PKHD1L1: variants seen among roughly 807,000 people sequenced by gnomAD.
PKHD1L1 encodes fibrocystin-L.
PKHD1L1 carries 434 observed loss-of-function variants against 462.9 expected under a neutral mutation model. The observed-to-expected ratio is 0.94, with a 90% CI of 0.87 to 1.02. The LOEUF is 1.02. Ranked by LOEUF, PKHD1L1 falls within the 50% of genes least tolerant of loss-of-function variation. The pLI, the probability that PKHD1L1 is intolerant of heterozygous loss-of-function variation, is 0.00. For synonymous variants in PKHD1L1, 1,781 were observed against 1,750.0 expected (o/e 1.02, Z -0.44); for missense variants, 5,202 against 5,096.1 (o/e 1.02, Z -0.63).
chr8:109,497,118 T>C, intron 64 of PKHD1L1, 32 bp from the exon 65 acceptor site: 1 of 1,612,914 alleles, frequency 6.2e-7, no homozygotes, highest in Non-Finnish European at 8.5e-7. Flanking sequence ...TGATTGTCCT[T>C]AGTATTATGT....
At chr8:109,394,639 A>G (rs1812879749) in intron 10 of PKHD1L1, among the ~76,000 whole-genome samples, 154 bp downstream of exon 10, 1 of 152,188 alleles carries the variant, frequency 6.6e-6, no homozygotes, top group Non-Finnish European at 1.5e-5. Flanking sequence ...GTCTAACAGG[A>G]AGCTACAACA....
chr8:109,451,339 C>A (rs539021275), intron 41 of PKHD1L1, among the ~76,000 whole-genome samples, 190 bp downstream of exon 41: 8 of 152,170 alleles, frequency 5.3e-5, no homozygotes, highest in Non-Finnish European at 1.0e-4. Context: ...GTGGCAACTA[C>A]CTGCCTACCC....
chr8:109,484,749 G>A (rs963760695), intron 57 of PKHD1L1, among the ~76,000 whole-genome samples: 1 of 151,886 alleles, frequency 6.6e-6, no homozygotes, highest in African/African-American at 2.4e-5. Context: ...TAATAAAAAT[G>A]TGAATATGTT....
At chr8:109,438,494 T>C (rs1815570861) in intron 31 of PKHD1L1, 38 bp downstream of exon 31, 2 of 1,495,238 alleles carry the variant, frequency 1.3e-6, no homozygotes, top group South Asian at 1.3e-5. Flanking sequence ...ATTTGTCCTA[T>C]GTATAAAAAA....
chr8:109,482,963 T>A (rs2844254), intron 56 of PKHD1L1, 24 bp from the exon 57 acceptor site: 571,544 of 1,476,742 alleles, frequency 0.39, 113,545 homozygotes, highest in South Asian at 0.56. Flanking sequence ...GGTGAATAAG[T>A]AGGAGTGTGC....
At chr8:109,392,694 A>C (rs1563731933) in intron 9 of PKHD1L1, among the ~76,000 whole-genome samples, 1 of 152,104 alleles carries the variant, frequency 6.6e-6, no homozygotes, top group Non-Finnish European at 1.5e-5. Context: ...AAAATCTTAC[A>C]TTTTGAATCT....
chr8:109,478,502 G>A (rs1432957184), intron 53 of PKHD1L1, among the ~76,000 whole-genome samples: 1 of 152,048 alleles, frequency 6.6e-6, no homozygotes, highest in African/African-American at 2.4e-5. Context: ...TTTGGGTGGG[G>A]TGGTTAGGAA....
chr8:109,529,087 T>G (rs980034033), intron 77 of PKHD1L1, among the ~76,000 whole-genome samples: 1 of 152,180 alleles, frequency 6.6e-6, no homozygotes, highest in Non-Finnish European at 1.5e-5. Flanking sequence ...AAGCCAAGAC[T>G]AGATTTTAAA....
intron 73 of PKHD1L1, among the ~76,000 whole-genome samples, chr8:109,520,916 A>G (rs1820520554): frequency 6.6e-6 from 1 of 152,112 alleles, no homozygotes; most frequent in African/African-American, 2.4e-5. Context: ...CAGACCTGCC[A>G]CTCCATGCCA....
intron 76 of PKHD1L1, among the ~76,000 whole-genome samples, chr8:109,523,648 T>C (rs1765993052): frequency 6.6e-6 from 1 of 152,200 alleles, no homozygotes; most frequent in African/African-American, 2.4e-5. Context: ...CTAAATTTGC[T>C]CACTAAAGAT....
chr8:109,449,456 A>G lies in PKHD1L1; in HGVS notation c.6144A>G (p.Thr2048=), dbSNP rs747747279. ...CAIDRLRSDY[T]TLLCEIPSNN... ...TTGACAGGCTTAGATCTGATTACAC[A>G]ACACTATTATGTGAAATTCCATCTA... The change falls in exon 40 of 78, where the codon ACA becomes ACG. Residue 2048 remains threonine (T), a synonymous_variant. Coordinates refer to ENST00000378402, the MANE Select transcript of PKHD1L1 (RefSeq NM_177531.6). 3.8e-6 allele frequency: 6 copies of G among 1,599,920 alleles called. No homozygotes were observed. The highest frequency in any genetic ancestry group is 5.1e-6 in the Non-Finnish European group (6 of 1,172,604).
intron 46 of PKHD1L1, among the ~76,000 whole-genome samples, chr8:109,458,646 C>T (rs1311678209): frequency 6.6e-6 from 1 of 152,054 alleles, no homozygotes; most frequent in East Asian, 1.9e-4. Flanking sequence ...GAATCTATTT[C>T]ACATGTGACA....
In PKHD1L1 at chr8:109,362,644, C is replaced by T; in HGVS notation, c.64C>T (p.Pro22Ser). Residue 22 changes from proline to serine, a missense_variant, in exon 1 of 78, where the codon CCC becomes TCC. Pro to Ser is a moderately conservative substitution (Grantham distance 74). Coordinates refer to ENST00000378402, the MANE Select transcript of PKHD1L1 (RefSeq NM_177531.6). ...LCGLLLCAADPSTDGSQIIPK... is the reference protein window; with the variant it reads ...LCGLLLCAADSSTDGSQIIPK... Reference sequence around the variant, plus strand: ...TGGGCTGCTCCTGTGTGCCGCGGATCCCAGCACAGGTAACCCTTTGGGCAC... The same window carrying T: ...TGGGCTGCTCCTGTGTGCCGCGGATTCCAGCACAGGTAACCCTTTGGGCAC... The T allele has an allele frequency of 6.2e-7, 1 of 1,603,268 alleles. No homozygotes were observed. The highest frequency in any genetic ancestry group is 8.5e-7 in the Non-Finnish European group (1 of 1,174,948).
rs765680183 is a variant in PKHD1L1 at position 109,443,696 on chromosome 8, T to C, written c.4585T>C (p.Leu1529=). ...TAAAGGAGGACCTGAGAATTTGCAC[T>C]TGGGAAGCTCTGTGGCAGGCTGCCT... The part of the protein sequence containing the change: ...YAYGGPENLH[L]GSSVAGCLAT... Residue 1529 remains leucine (L), a synonymous_variant, in exon 37 of 78, where the codon TTG becomes CTG. Coordinates refer to ENST00000378402, the MANE Select transcript of PKHD1L1 (RefSeq NM_177531.6). 4.3e-6 allele frequency: 7 copies of C among 1,612,570 alleles called. No homozygotes were observed. The highest frequency in any genetic ancestry group is 5.1e-6 in the Non-Finnish European group (6 of 1,179,344).
intron 55 of PKHD1L1, 148 bp from the exon 56 acceptor site, chr8:109,481,285 A>C (rs1818258173): frequency 1.5e-6 from 1 of 666,868 alleles, no homozygotes; most frequent in African/African-American, 1.9e-5. Flanking sequence ...GTGAAATTAA[A>C]GTCACTTCCA....
intron 11 of PKHD1L1, among the ~76,000 whole-genome samples, 190 bp downstream of exon 11, chr8:109,396,327 C>G (rs1174664599): frequency 2.6e-5 from 4 of 152,150 alleles, no homozygotes; most frequent in Admixed American, 6.5e-5. Context: ...GGGTCACTCC[C>G]TGAAACCTCA....
chr8:109,445,687 G>T, intron 38 of PKHD1L1, 42 bp downstream of exon 38: 1 of 1,473,252 alleles, frequency 6.8e-7, no homozygotes, highest in Non-Finnish European at 9.3e-7. Flanking sequence ...TTATAGTATC[G>T]ATAATATTTA....
intron 35 of PKHD1L1, 23 bp from the exon 36 acceptor site, chr8:109,442,923 C>G (rs373148452): frequency 6.9e-6 from 11 of 1,604,360 alleles, no homozygotes; most frequent in Admixed American, 1.7e-5. Flanking sequence ...ATATTTATTA[C>G]GTACAATCTC....
intron 50 of PKHD1L1, among the ~76,000 whole-genome samples, chr8:109,471,282 G>A (rs1817702595): frequency 1.3e-5 from 2 of 152,032 alleles, no homozygotes; most frequent in South Asian, 2.1e-4. Context: ...CTACATGTGA[G>A]ATCGTTTTCA....
Sources: gnomAD v4.1 joint callset for allele counts (sites outside exome capture counted in the v4.1 genomes callset) on GRCh38, gnomAD v4.1.1 for gene constraint, MANE v1.5 for transcripts, NCBI Gene and HGNC (gene_info 2026-07-23, HGNC 2026-07-21) for gene names.